The following TBRG4 variants were observed in gnomAD, a reference collection of about 807,000 sequenced individuals.
TBRG4 encodes the protein FAST kinase domain-containing protein 4.
TBRG4 carries 43 observed loss-of-function variants against 65.6 expected under a neutral mutation model. That is an observed-to-expected ratio of 0.66 (90% CI 0.51 to 0.85). The LOEUF (loss-of-function observed/expected upper bound fraction) is 0.85, where lower values mean the gene tolerates loss of function less well. Among genes scored for constraint, TBRG4 ranks in the 40% least tolerant of loss-of-function variants. The pLI, the probability that TBRG4 is intolerant of heterozygous loss-of-function variation, is 0.00. For synonymous variants in TBRG4, 366 were observed against 341.4 expected (o/e 1.07, Z -0.79); for missense variants, 709 against 787.9 (o/e 0.90, Z 1.20).
In TBRG4 at chr7:45,100,286, TC is replaced by T. The variant is rs1420937383; in HGVS notation, c.*38del. On this transcript the variant is annotated 3_prime_UTR_variant, in exon 11 of 11. Transcript: ENST00000258770. ...CTTCTTGGCCGCCCACAGCTAGACC[TC>T]CGGCGGAGAGGCACGCAGTCCATGC... 1 of 1,577,370 alleles carries T rather than the reference TC, an allele frequency of 6.3e-7. No individual in the cohort carries two copies. The highest frequency in any genetic ancestry group is 1.1e-5 in the South Asian group (1 of 89,356).
rs752446016 is a variant in TBRG4 at position 45,103,453 on chromosome 7, T to C, written c.1066-10A>G. 6.9e-6 allele frequency: 11 copies of C among 1,604,412 alleles called. No homozygotes were observed. The Admixed American group carries it at 1.9e-4, about 27-fold the overall frequency. The stretch of plus-strand genomic sequence containing the variant: ...CTCTGTTCAGGACGTGCTGGGTGGG[T>C]CAGAAATAGCAGAGGGACAGAATAA... On this transcript the variant is annotated splice_polypyrimidine_tract_variant and intron_variant, in intron 5 of 10. Transcript: ENST00000258770.
At chr7:45,107,830 G>C (rs1195616296) in intron 2 of TBRG4, 2 of 153,476 alleles carry the variant, frequency 1.3e-5, no homozygotes, top group African/African-American at 4.8e-5. Flanking sequence ...TAGAATTGTA[G>C]CCAAATAACA....
rs761596967 is a variant in TBRG4, at chr7:45,105,552, G to C, written c.624C>G (p.Leu208=). The change falls in exon 3 of 11, where the codon CTC becomes CTG. Residue 208 remains leucine, a synonymous_variant. Transcript: ENST00000258770. ...QHSQELLAEL[L]THLERRWTEI... Reference sequence around the variant, plus strand: ...CTGTCCAACGCCTTTCCAGGTGTGTGAGCAGCTCAGCCAGCAGCTCCTGCG... The same window carrying C: ...CTGTCCAACGCCTTTCCAGGTGTGTCAGCAGCTCAGCCAGCAGCTCCTGCG... 2 of 1,614,060 alleles carry C rather than the reference G, an allele frequency of 1.2e-6. No individual in the cohort carries two copies. Among genetic ancestry groups the C allele is most frequent in the African/African-American group, 1.3e-5 (1 of 74,946 alleles).
chr7:45,103,308 A>G (rs1462058035), intron 6 of TBRG4, 25 bp downstream of exon 6: 3 of 1,574,740 alleles, frequency 1.9e-6, no homozygotes, highest in Non-Finnish European at 2.6e-6. Flanking sequence ...ATAAAGGTCG[A>G]GCAGTGGGAG....
chr7:45,109,045 T>C lies in TBRG4; in HGVS notation c.193A>G (p.Thr65Ala). Reference sequence around the variant, plus strand: ...TCCACCTGCTTCTCTATGTAGGGAGTAGATGCTCGTTCCTTCTCCACCGGC... The same window carrying C: ...TCCACCTGCTTCTCTATGTAGGGAGCAGATGCTCGTTCCTTCTCCACCGGC... ...MEPVEKERAS[T>A]PYIEKQVDHL... Residue 65 changes from threonine to alanine, a missense_variant, in exon 2 of 11, where the codon ACT (threonine) becomes GCT (alanine). Coordinates refer to ENST00000258770, the MANE Select transcript of TBRG4 (RefSeq NM_004749.4). 6 of 1,613,420 alleles carry C rather than the reference T, an allele frequency of 3.7e-6. No homozygotes were observed. The highest frequency in any genetic ancestry group is 3.3e-5 in the South Asian group (3 of 91,026).
rs1290020360 is a variant in TBRG4 at position 45,100,144 on chromosome 7, C to T, written c.*181G>A. The T allele has an allele frequency of 3.5e-6, 2 of 563,530 alleles. No homozygotes were observed. Among genetic ancestry groups the T allele is most frequent in the Non-Finnish European group, 6.3e-6 (2 of 319,498 alleles). The allele number at this position is 563,530 out of a possible 1,614,324, so 34.9% of individuals were successfully genotyped here. On this transcript the variant is annotated 3_prime_UTR_variant, in exon 11 of 11. Coordinates refer to ENST00000258770, the MANE Select transcript of TBRG4 (RefSeq NM_004749.4). ...CAAGCCTGGGAAGGCCCCAGGGGTCCAACACCAAAATTAAAGGTTTATTAT... is the reference window on the plus strand; with the variant it reads ...CAAGCCTGGGAAGGCCCCAGGGGTCTAACACCAAAATTAAAGGTTTATTAT...
At position 45,105,725 on chromosome 7, in the gene TBRG4, C is replaced by A. The variant is rs1784931010; in HGVS notation, c.451G>T (p.Gly151Ter). Residue 151 changes from glycine to a stop codon, truncating the protein, a stop_gained, in exon 3 of 11, where the codon GGA becomes TGA. Transcript: ENST00000258770. LOFTEE classifies it high-confidence loss of function. Reference sequence around the variant, plus strand: ...GGGATGCCCAGAGCATACAGGCTTCCCAGCAGCTTCGAGAGGGTACCATGC... The same window carrying A: ...GGGATGCCCAGAGCATACAGGCTTCACAGCAGCTTCGAGAGGGTACCATGC... ...VWHGTLSKLLGSLYALGIPKA... is the reference protein window; with the variant it reads ...VWHGTLSKLL The A allele has an allele frequency of 6.2e-7, 1 of 1,613,068 alleles. No homozygotes were observed. The highest frequency in any genetic ancestry group is 1.7e-5 in the Admixed American group (1 of 59,974).
chr7:45,105,413 G>T, intron 3 of TBRG4, 28 bp downstream of exon 3: 1 of 1,565,692 alleles, frequency 6.4e-7, no homozygotes. Flanking sequence ...GAGGCAGGCT[G>T]GGTGCCACCT....
At position 45,105,516 on chromosome 7, in the gene TBRG4, A is replaced by T; in HGVS notation, c.660T>A (p.Asp220Glu). 1 of 1,614,152 alleles carries T rather than the reference A, an allele frequency of 6.2e-7. No homozygotes were observed. The highest frequency in any genetic ancestry group is 8.5e-7 in the Non-Finnish European group (1 of 1,180,024). Residue 220 changes from aspartate to glutamate, a missense_variant, in exon 3 of 11, where the codon GAT becomes GAA. Coordinates refer to ENST00000258770, the MANE Select transcript of TBRG4 (RefSeq NM_004749.4). ...TCATGACGGTCACTAATGTGTGGGAATCTTCAATTTCTGTCCAACGCCTTT... is the reference window on the plus strand; with the variant it reads ...TCATGACGGTCACTAATGTGTGGGATTCTTCAATTTCTGTCCAACGCCTTT... ...HLERRWTEIE[D>E]SHTLVTVMMK...
At chr7:45,100,839 CA>C (rs1162246308) in intron 10 of TBRG4, among the ~76,000 whole-genome samples, 1 of 152,226 alleles carries the variant, frequency 6.6e-6, no homozygotes, top group African/African-American at 2.4e-5. Flanking sequence ...AAACCAGAGT[CA>C]GGCCCAAGAC....
At chr7:45,103,993 C>G (rs769129875) in intron 5 of TBRG4, 106 bp downstream of exon 5, 21 of 1,399,454 alleles carry the variant, frequency 1.5e-5, no homozygotes, top group Middle Eastern at 2.5e-4. Flanking sequence ...TTTGCCCCCA[C>G]AAGTGAGCAT....
intron 1 of TBRG4, among the ~76,000 whole-genome samples, chr7:45,109,695 G>A (rs557368504): frequency 6.6e-6 from 1 of 152,114 alleles, no homozygotes; most frequent in African/African-American, 2.4e-5. Context: ...TTACGGGCTT[G>A]GCCAGGCGTG....
intron 7 of TBRG4, 58 bp from the exon 8 acceptor site, chr7:45,102,128 C>G: frequency 6.5e-7 from 1 of 1,542,174 alleles, no homozygotes; most frequent in Non-Finnish European, 8.7e-7. Flanking sequence ...TGGGGAGACC[C>G]TGATGAGAGG....
Position 45,109,057 on chromosome 7 carries a change from C to T in TBRG4, c.181G>A (p.Glu61Lys), listed in dbSNP as rs907947735. 1.2e-6 allele frequency: 2 copies of T among 1,613,842 alleles called. No individual in the cohort carries two copies. The highest frequency in any genetic ancestry group is 3.3e-5 in the Admixed American group (2 of 59,986). ...TCTATGTAGGGAGTAGATGCTCGTT[C>T]CTTCTCCACCGGCTCCATCAAGGAA... Reference protein sequence around the residue: ...PGSLMEPVEKERASTPYIEKQ... With the variant: ...PGSLMEPVEKKRASTPYIEKQ... The change falls in exon 2 of 11, where the codon GAA becomes AAA. Residue 61 changes from glutamate (E) to lysine (K), a missense_variant. Glu to Lys is a moderately conservative substitution (Grantham distance 56). Transcript: ENST00000258770.
rs202183594 is a variant in TBRG4 at position 45,105,618 on chromosome 7, G to C, written c.558C>G (p.Phe186Leu). ...MRKLKYKHLA[F>L]LAESCATLSQ... ...AGAGGGTGGCACAGGACTCTGCCAGGAAGGCCAGGTGCTTGTACTTGAGCT... is the reference window on the plus strand; with the variant it reads ...AGAGGGTGGCACAGGACTCTGCCAGCAAGGCCAGGTGCTTGTACTTGAGCT... Residue 186 changes from phenylalanine to leucine, a missense_variant, in exon 3 of 11, where the codon TTC becomes TTG. Physicochemically the swap from Phe to Leu is conservative, Grantham distance 22 (BLOSUM62 0). Transcript: ENST00000258770. 5.1e-5 allele frequency: 82 copies of C among 1,614,148 alleles called. No individual in the cohort carries two copies. The highest frequency in any genetic ancestry group is 4.3e-4 in the Admixed American group (26 of 60,030).
intron 6 of TBRG4, 84 bp downstream of exon 6, chr7:45,103,249 C>G: frequency 1.7e-6 from 2 of 1,187,894 alleles, no homozygotes; most frequent in Non-Finnish European, 2.5e-6. Context: ...CCACCTAGCC[C>G]GAGCTGATCT....
At chr7:45,105,786 G>A (rs767610329) in intron 2 of TBRG4, 22 bp from the exon 3 acceptor site, 4 of 1,586,280 alleles carry the variant, frequency 2.5e-6, no homozygotes, top group African/African-American at 2.7e-5. Context: ...AAGGACACAG[G>A]AGAAATGATG....
At position 45,109,702 on chromosome 7, in the gene TBRG4, C is replaced by T. The variant is rs181263961; in HGVS notation, c.-50-415G>A. On this transcript the variant is annotated intron_variant, in intron 1 of 10. Coordinates refer to ENST00000258770, the MANE Select transcript of TBRG4 (RefSeq NM_004749.4). ...ATTAAAAATTACGGGCTTGGCCAGG[C>T]GTGGTGGCTCACGCCTGTAATCCCA... Among the ~76,000 whole-genome samples the T allele has an allele frequency of 2.9e-3, 437 of 152,156 alleles. 2 individuals are homozygous for T. The highest frequency in any genetic ancestry group is 3.9e-3 in the Non-Finnish European group (267 of 68,006).
In TBRG4 at chr7:45,102,506, AGTGTGGTGGAG is replaced by A. The variant is rs753049650; in HGVS notation, c.1177-26_1177-16del. On this transcript the variant is annotated splice_polypyrimidine_tract_variant and intron_variant, in intron 6 of 10. Transcript: ENST00000258770. ...TTCTCATGTACCTGGGCAAGGATAGAGTGTGGTGGAGAAAGCAGGCTCTCCTTAGGGGCTGC... is the reference window on the plus strand; with the variant it reads ...TTCTCATGTACCTGGGCAAGGATAGAAAAGCAGGCTCTCCTTAGGGGCTGC... 4.7e-5 allele frequency: 75 copies of A among 1,604,580 alleles called. No homozygotes were observed. The highest frequency in any genetic ancestry group is 6.2e-5 in the Non-Finnish European group (73 of 1,179,290).
Sources: allele counts gnomAD v4.1 joint callset (sites outside exome capture counted in the v4.1 genomes callset), GRCh38; gene constraint gnomAD v4.1.1; transcripts MANE v1.5; gene names NCBI Gene and HGNC (gene_info 2026-07-23, HGNC 2026-07-21).